BLTP1: variants seen among roughly 807,000 people sequenced by gnomAD.
The protein encoded by BLTP1 is fragile site-associated protein.
the BLTP1 span, chr4:122,225,827 C>A: frequency 1.3e-5 from 2 of 152,240 alleles, no homozygotes; most frequent in Middle Eastern, 3.4e-3. Flanking sequence ...CCTAAGTATA[C>A]TAGTAAAAAC....
chr4:122,210,028 A>G, the BLTP1 span: 10 of 1,435,538 alleles, frequency 7.0e-6, no homozygotes, highest in Non-Finnish European at 8.4e-6. Flanking sequence ...TTCTTGTGAC[A>G]TAGTATAAAT....
At chr4:122,235,017 A>C in the BLTP1 span, 2 of 1,599,254 alleles carry the variant, frequency 1.3e-6, no homozygotes, top group East Asian at 4.5e-5. Context: ...TCCCAAAATT[A>C]TAGATGGTAA....
chr4:122,361,893 C>A, the BLTP1 span: 1 of 898,510 alleles, frequency 1.1e-6, no homozygotes, highest in Non-Finnish European at 1.6e-6. Context: ...GAATTATGGG[C>A]TCATTTATAC....
the BLTP1 span, among the ~76,000 whole-genome samples, chr4:122,261,096 A>G: frequency 6.6e-6 from 1 of 152,202 alleles, no homozygotes; most frequent in Non-Finnish European, 1.5e-5. Context: ...CTTACTTTCT[A>G]TTGAATAGTC....
At chr4:122,344,810 G>A in the BLTP1 span, 2 of 984,844 alleles carry the variant, frequency 2.0e-6, no homozygotes, top group African/African-American at 3.5e-5. Flanking sequence ...AGTAAAAGTT[G>A]CTTCTTTTCT....
At chr4:122,362,301 G>T in the BLTP1 span, 1 of 1,361,662 alleles carries the variant, frequency 7.3e-7, no homozygotes, top group Non-Finnish European at 1.0e-6. Context: ...TATTACACTG[G>T]AGTGTTTTTT....
At chr4:122,182,601 A>G in the BLTP1 span, 2 of 975,360 alleles carry the variant, frequency 2.1e-6, no homozygotes, top group African/African-American at 3.5e-5. Flanking sequence ...GGAATAAGGC[A>G]TTCACAGGAG....
At chr4:122,269,512 T>C in the BLTP1 span, 1 of 985,308 alleles carries the variant, frequency 1.0e-6, no homozygotes, top group Non-Finnish European at 1.2e-6. Flanking sequence ...AACTAACTCA[T>C]GATCAGCTTT....
At chr4:122,289,875 G>A in the BLTP1 span, 7,462 of 765,774 alleles carry the variant, frequency 9.7e-3, 471 homozygotes, top group African/African-American at 0.13. Flanking sequence ...TGAGTTCTGC[G>A]AATGACAAGA....
At chr4:122,243,643 G>T in the BLTP1 span, among the ~76,000 whole-genome samples, 1 of 152,036 alleles carries the variant, frequency 6.6e-6, no homozygotes, top group African/African-American at 2.4e-5. Context: ...CAGCTACTTG[G>T]GAGGAGGAGG....
At chr4:122,281,436 GTA>G in the BLTP1 span, 2 of 1,426,350 alleles carry the variant, frequency 1.4e-6, no homozygotes, top group Non-Finnish European at 1.8e-6. Flanking sequence ...TCTATTCACA[GTA>G]TATATTTGCT....
At chr4:122,224,504 C>A in the BLTP1 span, 12 of 1,610,166 alleles carry the variant, frequency 7.5e-6, no homozygotes, top group South Asian at 2.2e-5. Flanking sequence ...TCAGCAGCGA[C>A]CCCCTGTGGA....
At chr4:122,344,263 CAA>C in the BLTP1 span, 1 of 1,146,670 alleles carries the variant, frequency 8.7e-7, no homozygotes, top group Non-Finnish European at 1.2e-6. Flanking sequence ...ATTTTTACCT[CAA>C]GTGATTTTAA....
At chr4:122,336,359 C>T in the BLTP1 span, 1 of 1,578,656 alleles carries the variant, frequency 6.3e-7, no homozygotes, top group Non-Finnish European at 8.6e-7. Flanking sequence ...TACAGGTAAG[C>T]ATCCTTCTTA....
chr4:122,307,384 C>A, the BLTP1 span: 1 of 759,268 alleles, frequency 1.3e-6, no homozygotes, highest in Non-Finnish European at 1.6e-6. Context: ...GGATGCTCAA[C>A]CTGCATTTGC....
the BLTP1 span, among the ~76,000 whole-genome samples, chr4:122,294,276 C>T: frequency 1.8e-4 from 27 of 152,358 alleles, no homozygotes; most frequent in African/African-American, 5.5e-4. Flanking sequence ...CTTCTTTAAG[C>T]AGGTCCTTGA....
At chr4:122,250,636 A>G in the BLTP1 span, 18 of 1,485,342 alleles carry the variant, frequency 1.2e-5, no homozygotes, top group Middle Eastern at 2.0e-4. Flanking sequence ...AAAACTACAT[A>G]TGCAATTCAA....
chr4:122,298,159 C>T, the BLTP1 span: 1 of 737,888 alleles, frequency 1.4e-6, no homozygotes, highest in Non-Finnish European at 1.7e-6. Context: ...ATTCTTATTA[C>T]TTAGATAAAA....
the BLTP1 span, chr4:122,344,867 T>C: frequency 1.0e-6 from 1 of 984,868 alleles, no homozygotes; most frequent in Non-Finnish European, 1.2e-6. Flanking sequence ...TTTGTTCTTC[T>C]AATTGTAAAT....
Sources: gnomAD v4.1 joint callset for allele counts (sites outside exome capture counted in the v4.1 genomes callset) on GRCh38, gnomAD v4.1.1 for gene constraint, MANE v1.5 for transcripts, NCBI Gene and HGNC (gene_info 2026-07-23, HGNC 2026-07-21) for gene names.